Variants in ZFAND5 observed in about 807,000 individuals in gnomAD.
ZFAND5 encodes AN1-type zinc finger protein 5.
ZFAND5 carries 4 observed loss-of-function variants against 23.6 expected under a neutral mutation model. That is an observed-to-expected ratio of 0.17 (90% CI 0.08 to 0.39). The LOEUF (loss-of-function observed/expected upper bound fraction) is 0.39. Ranked by LOEUF, ZFAND5 falls within the 10% of genes least tolerant of loss-of-function variation. The pLI is 1.00. For synonymous variants in ZFAND5, 68 were observed against 80.6 expected, an observed-to-expected ratio of 0.84 and a Z score of 0.84; for missense variants, 161 against 253.7, an observed-to-expected ratio of 0.63 and a Z score of 2.48.
At chr9:72,357,261 ACTTG>A (rs2131975137) in intron 5 of ZFAND5, among the ~76,000 whole-genome samples, 1 of 152,292 alleles carries the variant, frequency 6.6e-6, no homozygotes, top group Admixed American at 6.5e-5. Context: ...TCACCATACT[ACTTG>A]CTTCTCTAAT....
intron 5 of ZFAND5, among the ~76,000 whole-genome samples, chr9:72,358,092 T>C (rs1399695425): frequency 3.3e-5 from 5 of 152,126 alleles, no homozygotes; most frequent in East Asian, 1.9e-4. Flanking sequence ...TATTAGCATA[T>C]AGACAAGCTC....
At chr9:72,364,486 G>T in intron 1 of ZFAND5, 1 of 1,280,830 alleles carries the variant, frequency 7.8e-7, no homozygotes. Context: ...AGCCAGGGAC[G>T]CCGGGAGCCA....
chr9:72,360,918 G>A, intron 2 of ZFAND5, 131 bp from the exon 3 acceptor site: 3 of 788,470 alleles, frequency 3.8e-6, no homozygotes, highest in Non-Finnish European at 5.5e-6. Context: ...ATTAAAAAGG[G>A]TGGGCAGAGA....
chr9:72,360,061 T>G, intron 4 of ZFAND5, 49 bp downstream of exon 4: 1 of 1,510,526 alleles, frequency 6.6e-7, no homozygotes, highest in Non-Finnish European at 9.1e-7. Flanking sequence ...ACAGACATCT[T>G]GATTTCTTCT....
At chr9:72,356,904 C>G (rs565835704) in intron 6 of ZFAND5, 27 bp downstream of exon 6, 20 of 1,607,064 alleles carry the variant, frequency 1.2e-5, no homozygotes, top group South Asian at 1.2e-4. Context: ...AGAAGTAAAA[C>G]ATACATTGTC....
rs1161068558 is a variant in ZFAND5 at position 72,354,528 on chromosome 9, G to C, written c.*1425C>G. ...CATCAATGCTGAATAGCATGATTATGTGCAATACATAAATATGAACTATCT... is the reference window on the plus strand; with the variant it reads ...CATCAATGCTGAATAGCATGATTATCTGCAATACATAAATATGAACTATCT... On this transcript the variant is annotated 3_prime_UTR_variant, in exon 7 of 7. Transcript: ENST00000376962. The C allele has an allele frequency of 1.4e-4, 21 of 152,564 alleles. No homozygotes were observed. The highest frequency in any genetic ancestry group is 1.4e-3 in the Admixed American group (21 of 15,270). The allele number at this position is 152,564 out of a possible 1,614,324, so 9.5% of individuals were successfully genotyped here. A position where few individuals can be genotyped will look rare whatever the true frequency, so the allele number is the denominator to read the frequency against.
chr9:72,358,161 A>T (rs1431828731), intron 5 of ZFAND5, among the ~76,000 whole-genome samples: 1 of 152,132 alleles, frequency 6.6e-6, no homozygotes, highest in Non-Finnish European at 1.5e-5. Context: ...CAAATTTATA[A>T]TTCAATTGCA....
At chr9:72,359,822 C>T (rs192279371) in intron 4 of ZFAND5, among the ~76,000 whole-genome samples, 4 of 152,274 alleles carry the variant, frequency 2.6e-5, no homozygotes, top group Admixed American at 2.6e-4. Context: ...TGCCAAAACA[C>T]CTTGTCTGGC....
chr9:72,365,007 G>A lies in ZFAND5; in HGVS notation c.-458C>T, dbSNP rs1221322108. ...CTAACGCTGCTCGAGGCGCTCGCCT[G>A]TCGTCGCCTCACGCCTCCACAGGCC... is the stretch of plus-strand genomic sequence containing the variant. On this transcript the variant is annotated 5_prime_UTR_variant, in exon 1 of 7. Transcript: ENST00000376962. 1 of 152,272 alleles carries A rather than the reference G, an allele frequency of 6.6e-6. No individual in the cohort carries two copies. The highest frequency in any genetic ancestry group is 1.5e-5 in the Non-Finnish European group (1 of 68,106). The allele number at this position is 152,272 out of a possible 1,614,324, so 9.4% of individuals were successfully genotyped here.
chr9:72,359,115 C>A (rs945702656), intron 5 of ZFAND5, among the ~76,000 whole-genome samples: 1 of 152,094 alleles, frequency 6.6e-6, no homozygotes, highest in Non-Finnish European at 1.5e-5. Context: ...ATTCCTTATA[C>A]CCTTGAAATT....
chr9:72,364,745 G>A lies in ZFAND5; in HGVS notation c.-196C>T. The A allele has an allele frequency of 1.6e-6, 1 of 608,444 alleles. No individual in the cohort carries two copies. Among genetic ancestry groups the A allele is most frequent in the Non-Finnish European group, 2.2e-6 (1 of 459,466 alleles). The allele number at this position is 608,444 out of a possible 1,614,324, so 37.7% of individuals were successfully genotyped here. Reference sequence around the variant, plus strand: ...CCGGGTTCGCGCGCGAAGCCGGCACGATGAGGCCGGGCCGAGGCCTCCGGG... The same window carrying A: ...CCGGGTTCGCGCGCGAAGCCGGCACAATGAGGCCGGGCCGAGGCCTCCGGG... On this transcript the variant is annotated 5_prime_UTR_variant, in exon 1 of 7. Transcript: ENST00000376962.
chr9:72,360,311 T>A, intron 3 of ZFAND5, 90 bp from the exon 4 acceptor site: 1 of 1,138,292 alleles, frequency 8.8e-7, no homozygotes, highest in Non-Finnish European at 1.3e-6. Context: ...TGCATTTAAT[T>A]AGGTTAGTGA....
chr9:72,359,301 A>C (rs145573448), intron 5 of ZFAND5, 117 bp downstream of exon 5: 1 of 914,668 alleles, frequency 1.1e-6, no homozygotes, highest in Non-Finnish European at 1.6e-6. Flanking sequence ...TGCTTGGCCT[A>C]TATTTTATGG....
intron 5 of ZFAND5, 121 bp downstream of exon 5, chr9:72,359,297 G>T (rs1002176525): frequency 1.2e-6 from 1 of 826,674 alleles, no homozygotes; most frequent in Non-Finnish European, 1.9e-6. Flanking sequence ...TCTTTGCTTG[G>T]CCTATATTTT....
At position 72,354,241 on chromosome 9, in the gene ZFAND5, A is replaced by T. The variant is rs908994715; in HGVS notation, c.*1712T>A. ...AATTTCATCTTTCTCAAATTTTAAAATTGTTTTAATCCCAAAGGTGCCTAT... is the reference window on the plus strand; with the variant it reads ...AATTTCATCTTTCTCAAATTTTAAATTTGTTTTAATCCCAAAGGTGCCTAT... On this transcript the variant is annotated 3_prime_UTR_variant, in exon 7 of 7. Coordinates refer to ENST00000376962, the MANE Select transcript of ZFAND5 (RefSeq NM_001102420.3). 20 of 152,242 alleles carry T rather than the reference A, an allele frequency of 1.3e-4. No homozygotes were observed. Among genetic ancestry groups the T allele is most frequent in the Non-Finnish European group, 2.6e-4 (18 of 68,050 alleles). The allele number at this position is 152,242 out of a possible 1,614,324, so 9.4% of individuals were successfully genotyped here. A position where few individuals can be genotyped will look rare whatever the true frequency, so the allele number is the denominator to read the frequency against.
chr9:72,360,863 G>A, intron 2 of ZFAND5, 76 bp from the exon 3 acceptor site: 2 of 1,320,820 alleles, frequency 1.5e-6, no homozygotes, highest in Non-Finnish European at 2.0e-6. Flanking sequence ...GTATACCGTT[G>A]TAATTGCTAC....
Position 72,355,612 on chromosome 9 carries a change from T to A in ZFAND5, c.*341A>T, listed in dbSNP as rs1193871902. 1 of 166,800 alleles carries A rather than the reference T, an allele frequency of 6.0e-6. No homozygotes were observed. Among genetic ancestry groups the A allele is most frequent in the African/African-American group, 2.4e-5 (1 of 41,916 alleles). The allele number at this position is 166,800 out of a possible 1,614,324, so 10.3% of individuals were successfully genotyped here. ...GCCAAAGATTATACCTTGATTACAT[T>A]CCCAAAAGGCAGATATGCTGCAAAC... On this transcript the variant is annotated 3_prime_UTR_variant, in exon 7 of 7. Transcript: ENST00000376962.
intron 6 of ZFAND5, 72 bp from the exon 7 acceptor site, chr9:72,356,173 T>A: frequency 6.5e-7 from 1 of 1,544,858 alleles, no homozygotes; most frequent in Middle Eastern, 1.7e-4. Flanking sequence ...TTAGTCACTA[T>A]AGAAAAGGAA....
At chr9:72,357,537 A>G (rs1841978342) in intron 5 of ZFAND5, among the ~76,000 whole-genome samples, 2 of 152,194 alleles carry the variant, frequency 1.3e-5, no homozygotes, top group Admixed American at 1.3e-4. Flanking sequence ...GCAAATTTTG[A>G]CAAATAAAAC....
Sources: allele counts gnomAD v4.1 joint callset (sites outside exome capture counted in the v4.1 genomes callset), GRCh38; gene constraint gnomAD v4.1.1; transcripts MANE v1.5; gene names NCBI Gene and HGNC (gene_info 2026-07-23, HGNC 2026-07-21).